Variants in TTC39B observed in about 807,000 individuals in gnomAD.
The protein encoded by TTC39B is tetratricopeptide repeat protein 39B.
A neutral mutation model predicts 96.6 loss-of-function variants in TTC39B; 92 were observed. The ratio of observed to expected loss-of-function variants is 0.95; its 90% confidence interval spans 0.80 to 1.13. The LOEUF is 1.13. Among genes scored for constraint, TTC39B ranks in the 50% most tolerant of loss-of-function variants. TTC39B has a pLI of 0.00. For synonymous variants in TTC39B, 367 were observed against 299.4 expected (o/e 1.23, Z -2.33); for missense variants, 955 against 809.3 (o/e 1.18, Z -2.18).
intron 2 of TTC39B, among the ~76,000 whole-genome samples, chr9:15,252,433 G>A (rs1822595958): frequency 6.6e-6 from 1 of 152,186 alleles, no homozygotes; most frequent in Non-Finnish European, 1.5e-5. Flanking sequence ...CGGATCATGA[G>A]GTCAGGAGAT....
intron 2 of TTC39B, among the ~76,000 whole-genome samples, chr9:15,233,491 G>C (rs1176940279): frequency 2.0e-5 from 3 of 150,672 alleles, no homozygotes; most frequent in African/African-American, 7.3e-5. Context: ...CAGTGCCTGC[G>C]ATTGCAGGCG....
At chr9:15,209,646 G>T (rs889575519) in intron 6 of TTC39B, among the ~76,000 whole-genome samples, 12 of 152,256 alleles carry the variant, frequency 7.9e-5, no homozygotes, top group African/African-American at 2.9e-4. Context: ...GAATCCATAT[G>T]TATAAGGATT....
At chr9:15,206,873 C>T (rs1047948311) in intron 6 of TTC39B, among the ~76,000 whole-genome samples, 1 of 152,108 alleles carries the variant, frequency 6.6e-6, no homozygotes, top group Non-Finnish European at 1.5e-5. Context: ...CAAATCTCAT[C>T]TTGAATTGTA....
At chr9:15,236,611 A>T (rs768510545) in intron 2 of TTC39B, among the ~76,000 whole-genome samples, 4 of 152,238 alleles carry the variant, frequency 2.6e-5, no homozygotes, top group Admixed American at 6.5e-5. Flanking sequence ...AATGAAAATC[A>T]TATCAAGTAT....
chr9:15,269,771 C>T (rs1197783293), intron 1 of TTC39B, among the ~76,000 whole-genome samples: 1 of 151,518 alleles, frequency 6.6e-6, no homozygotes, highest in Non-Finnish European at 1.5e-5. Context: ...AGGATAATCG[C>T]TTGAACCTGG....
exon 20 of TTC39B, chr9:15,168,710 G>A (rs866121105): frequency 2.6e-5 from 4 of 152,312 alleles, no homozygotes; most frequent in African/African-American, 9.7e-5. Context: ...TACTCGGGAG[G>A]CTGAGGCAGG....
At chr9:15,247,621 T>C (rs1040204242) in intron 2 of TTC39B, among the ~76,000 whole-genome samples, 2 of 152,158 alleles carry the variant, frequency 1.3e-5, no homozygotes, top group African/African-American at 4.8e-5. Flanking sequence ...CCACGTTCCT[T>C]AACTGGCCTG....
At chr9:15,194,353 A>C (rs1283572355) in intron 8 of TTC39B, among the ~76,000 whole-genome samples, 1 of 152,120 alleles carries the variant, frequency 6.6e-6, no homozygotes. Context: ...CAATTTTCCC[A>C]AAAACATTTA....
intron 16 of TTC39B, among the ~76,000 whole-genome samples, 157 bp downstream of exon 16, chr9:15,185,123 T>C (rs1425339252): frequency 3.3e-5 from 5 of 152,250 alleles, no homozygotes; most frequent in Admixed American, 1.3e-4. Flanking sequence ...CTACAGTTTT[T>C]ATTTATTAAT....
At chr9:15,272,185 C>T (rs80166522) in intron 1 of TTC39B, among the ~76,000 whole-genome samples, 5,131 of 152,224 alleles carry the variant, frequency 0.034, 283 homozygotes, top group African/African-American at 0.12. Context: ...ATCAGGGCCC[C>T]TAGGTTTGGC....
chr9:15,243,787 G>T (rs928730833), intron 2 of TTC39B, among the ~76,000 whole-genome samples: 1 of 152,210 alleles, frequency 6.6e-6, no homozygotes, highest in Admixed American at 6.5e-5. Flanking sequence ...GCATACACCT[G>T]CAGTCTTAGC....
At chr9:15,216,309 T>C (rs1820513938) in intron 3 of TTC39B, among the ~76,000 whole-genome samples, 1 of 152,156 alleles carries the variant, frequency 6.6e-6, no homozygotes, top group Non-Finnish European at 1.5e-5. Flanking sequence ...TCAAAAAATA[T>C]GTTGAGTGGT....
At chr9:15,292,462 G>A (rs567542255) in intron 1 of TTC39B, among the ~76,000 whole-genome samples, 1 of 152,276 alleles carries the variant, frequency 6.6e-6, no homozygotes, top group East Asian at 1.9e-4. Context: ...AACTGTTACT[G>A]GTTTATGTAT....
chr9:15,182,494 G>C, intron 16 of TTC39B, 79 bp from the exon 17 acceptor site: 1 of 1,003,904 alleles, frequency 1.0e-6, no homozygotes, highest in Non-Finnish European at 1.5e-6. Flanking sequence ...CAATGTTCAT[G>C]TGTTTTGCTT....
chr9:15,221,521 G>A (rs914161949), intron 3 of TTC39B, among the ~76,000 whole-genome samples: 1 of 151,996 alleles, frequency 6.6e-6, no homozygotes, highest in African/African-American at 2.4e-5. Context: ...GGTTCATCTT[G>A]TACTTTCCCT....
At chr9:15,238,771 A>G (rs866028870) in intron 2 of TTC39B, among the ~76,000 whole-genome samples, 29 of 152,262 alleles carry the variant, frequency 1.9e-4, no homozygotes, top group Middle Eastern at 3.4e-3. Context: ...TGATCACTTG[A>G]GCTCAGAAGT....
chr9:15,208,188 C>T (rs1819987067), intron 6 of TTC39B, among the ~76,000 whole-genome samples: 1 of 151,540 alleles, frequency 6.6e-6, no homozygotes, highest in South Asian at 2.1e-4. Context: ...CCATGCCTGG[C>T]TAATTTTTAT....
chr9:15,245,936 C>T (rs948248265), intron 2 of TTC39B, among the ~76,000 whole-genome samples: 3 of 152,180 alleles, frequency 2.0e-5, no homozygotes, highest in Admixed American at 6.5e-5. Context: ...GGTAGAATGG[C>T]ACTGTTAAGT....
intron 17 of TTC39B, among the ~76,000 whole-genome samples, chr9:15,180,456 A>G (rs1195419376): frequency 2.0e-5 from 3 of 152,252 alleles, no homozygotes; most frequent in Non-Finnish European, 2.9e-5. Flanking sequence ...TCTGTCTTCA[A>G]AGTTCTATCT....
Sources: gnomAD v4.1 joint callset for allele counts (sites outside exome capture counted in the v4.1 genomes callset) on GRCh38, gnomAD v4.1.1 for gene constraint, MANE v1.5 for transcripts, NCBI Gene and HGNC (gene_info 2026-07-23, HGNC 2026-07-21) for gene names.